Variants in RBMX2 observed in about 807,000 individuals in gnomAD.
The protein encoded by RBMX2 is RNA-binding motif protein, X-linked 2.
For missense variants in RBMX2, 191 were observed against 256.0 expected (o/e 0.75, Z 1.73); for synonymous variants, 77 against 94.3 (o/e 0.82, Z 1.07).
chrX:130,411,305 G>T (rs1437562729), intron 4 of RBMX2, 43 bp from the exon 5 acceptor site: 1 of 1,092,832 alleles, frequency 9.2e-7, no homozygotes, highest in Admixed American at 2.9e-5. Context: ...TGACAGTTTG[G>T]TATGAGGGCT....
chrX:130,405,250 G>A (rs750353132), intron 3 of RBMX2, among the ~76,000 whole-genome samples: 12 of 109,555 alleles, frequency 1.1e-4, no homozygotes, highest in South Asian at 8.0e-4. Flanking sequence ...ATGGTGGTGC[G>A]CGCCTGTAAT....
At chrX:130,402,462 C>T in intron 2 of RBMX2, 92 bp downstream of exon 2, 1 of 1,112,809 alleles carries the variant, frequency 9.0e-7, no homozygotes, top group Non-Finnish European at 1.2e-6. Context: ...CTCCTGCTTA[C>T]ATTCATCGCC....
At chrX:130,403,694 C>T in intron 2 of RBMX2, 108 bp from the exon 3 acceptor site, 4 of 710,909 alleles carry the variant, frequency 5.6e-6, no homozygotes, top group Non-Finnish European at 4.5e-6. Context: ...TCTTTAAGGG[C>T]AGGGCCTGTT....
chrX:130,402,225 A>AGCCC, intron 1 of RBMX2, 30 bp from the exon 2 acceptor site: 1 of 984,784 alleles, frequency 1.0e-6, no homozygotes, highest in Non-Finnish European at 1.4e-6. Flanking sequence ...TTTTCTGCCT[A>AGCCC]CCCTCCCCAC....
In RBMX2 at chrX:130,413,033, C is replaced by T. The variant is rs1332144372; in HGVS notation, c.*185C>T. 2 of 431,952 alleles carry T rather than the reference C, an allele frequency of 4.6e-6. No homozygotes were observed. Among genetic ancestry groups the T allele is most frequent in the Non-Finnish European group, 7.6e-6 (2 of 261,780 alleles). The allele number at this position is 431,952 out of a possible 1,213,427, so 35.6% of individuals were successfully genotyped here. Reference sequence around the variant, plus strand: ...TAGATATCCTGGATATTGTTTGCACCATCCATTGTCCCTGTACCAGAGTAT... The same window carrying T: ...TAGATATCCTGGATATTGTTTGCACTATCCATTGTCCCTGTACCAGAGTAT... On this transcript the variant is annotated 3_prime_UTR_variant, in exon 6 of 6. Transcript: ENST00000305536.
In RBMX2 at chrX:130,402,026, C is replaced by T. The variant is rs878868784; in HGVS notation, c.-7C>T. The T allele has an allele frequency of 6.7e-6, 8 of 1,198,841 alleles. No homozygotes were observed. Among genetic ancestry groups the T allele is most frequent in the Non-Finnish European group, 9.0e-6 (8 of 889,102 alleles). Reference sequence around the variant, plus strand: ...GATTCCTGAGTGCTGAGCGCGAACCCGAGGAGATGAAGTAAGGCGTCAGCT... The same window carrying T: ...GATTCCTGAGTGCTGAGCGCGAACCTGAGGAGATGAAGTAAGGCGTCAGCT... On this transcript the variant is annotated 5_prime_UTR_variant, in exon 1 of 6. Transcript: ENST00000305536.
chrX:130,402,233 C>G, intron 1 of RBMX2, 22 bp from the exon 2 acceptor site: 1 of 1,156,448 alleles, frequency 8.6e-7, no homozygotes, highest in Non-Finnish European at 1.2e-6. Context: ...CTACCCTCCC[C>G]ACCCCCCCCG....
chrX:130,402,310 G>A lies in RBMX2; in HGVS notation c.61G>A (p.Gly21Arg). 8.4e-7 allele frequency: 1 copy of A among 1,197,083 alleles called. No individual in the cohort carries two copies. Among genetic ancestry groups the A allele is most frequent in the Non-Finnish European group, 1.1e-6 (1 of 890,123 alleles). The change falls in exon 2 of 6, where the codon GGG becomes AGG. Residue 21 changes from glycine (G) to arginine (R), a missense_variant. By Grantham distance (125) the Gly-to-Arg change is moderately radical. Coordinates refer to ENST00000305536, the MANE Select transcript of RBMX2 (RefSeq NM_016024.4). ...GCTGAATGAACGAGAGGTCCAGCTT[G>A]GGGTGGCCGATAAGGTGTCCTGGCA... ...NELNEREVQL[G>R]VADKVSWHSE... is the part of the protein sequence containing the mutation.
At chrX:130,409,196 C>G (rs998951584) in intron 3 of RBMX2, 61 bp from the exon 4 acceptor site, 1 of 1,036,598 alleles carries the variant, frequency 9.6e-7, no homozygotes, top group South Asian at 2.4e-5. Context: ...GTTTTATTAC[C>G]TTATCTGCAT....
rs1569460721 is a variant in RBMX2 at position 130,412,882 on chromosome X, T to A, written c.*34T>A. 7.8e-6 allele frequency: 9 copies of A among 1,151,423 alleles called. No individual in the cohort carries two copies. In the East Asian group the frequency reaches 2.7e-4, roughly 35 times the overall value. 94.9% of individuals were successfully genotyped at this position (1,151,423 alleles called of 1,213,427 possible). On this transcript the variant is annotated 3_prime_UTR_variant, in exon 6 of 6. Coordinates refer to ENST00000305536, the MANE Select transcript of RBMX2 (RefSeq NM_016024.4). ...GCTGCACAGTAGATTTGGAAATAATTATGTTTTTTAAATGCAGTCAAATTC... is the reference window on the plus strand; with the variant it reads ...GCTGCACAGTAGATTTGGAAATAATAATGTTTTTTAAATGCAGTCAAATTC...
chrX:130,402,234 A>ACCCCCCCCCCCC, intron 1 of RBMX2, 21 bp from the exon 2 acceptor site: 11 of 583,327 alleles, frequency 1.9e-5, no homozygotes, highest in African/African-American at 3.6e-5. Flanking sequence ...TACCCTCCCC[A>ACCCCCCCCCCCC]CCCCCCCCGC....
rs2034519327 is a variant in RBMX2, at chrX:130,412,505, A to G, written c.626A>G (p.Asn209Ser). 2 of 1,206,980 alleles carry G rather than the reference A, an allele frequency of 1.7e-6. No homozygotes were observed. The highest frequency in any genetic ancestry group is 2.2e-6 in the Non-Finnish European group (2 of 894,405). ...DTGPKKHSSK[N>S]SERAQKSEPR... ...GGCCCTAAGAAGCACAGCAGCAAGAACTCAGAGAGAGCTCAGAAGTCAGAG... is the reference window on the plus strand; with the variant it reads ...GGCCCTAAGAAGCACAGCAGCAAGAGCTCAGAGAGAGCTCAGAAGTCAGAG... The change falls in exon 6 of 6, where the codon AAC becomes AGC. Residue 209 changes from asparagine (N) to serine (S), a missense_variant. Asn to Ser is a conservative substitution (Grantham distance 46). Transcript: ENST00000305536.
At position 130,412,971 on chromosome X, in the gene RBMX2, T is replaced by A; in HGVS notation, c.*123T>A. 4.1e-6 allele frequency: 3 copies of A among 728,587 alleles called. No individual in the cohort carries two copies. The highest frequency in any genetic ancestry group is 5.9e-6 in the Non-Finnish European group (3 of 512,770). The allele number at this position is 728,587 out of a possible 1,213,427, so 60.0% of individuals were successfully genotyped here. A position where few individuals can be genotyped will look rare whatever the true frequency, so the allele number is the denominator to read the frequency against. Reference sequence around the variant, plus strand: ...GGCTGGATTCTTTTAATCCCTTGACTATTTAGAGTCATTGGGAGGGCTGCA... The same window carrying A: ...GGCTGGATTCTTTTAATCCCTTGACAATTTAGAGTCATTGGGAGGGCTGCA... On this transcript the variant is annotated 3_prime_UTR_variant, in exon 6 of 6. Coordinates refer to ENST00000305536, the MANE Select transcript of RBMX2 (RefSeq NM_016024.4).
chrX:130,402,417 T>C lies in RBMX2; in HGVS notation c.121+47T>C. ...CTCAGTGCTCTCCAGATTCTCCTGCTCGGTTTCCGACTATTTCGGCATTTT... is the reference window on the plus strand; with the variant it reads ...CTCAGTGCTCTCCAGATTCTCCTGCCCGGTTTCCGACTATTTCGGCATTTT... On this transcript the variant is annotated intron_variant, in intron 2 of 5. Transcript: ENST00000305536. 3 of 1,178,919 alleles carry C rather than the reference T, an allele frequency of 2.5e-6. No homozygotes were observed. In the South Asian group the frequency reaches 5.7e-5, roughly 23 times the overall value.
chrX:130,403,446 A>C (rs920310643), intron 2 of RBMX2, among the ~76,000 whole-genome samples: 5 of 111,870 alleles, frequency 4.5e-5, no homozygotes, highest in African/African-American at 1.3e-4. Flanking sequence ...TCGGCGCACT[A>C]CAACCTCTGC....
chrX:130,402,235 C>T lies in RBMX2; in HGVS notation c.6-20C>T. 9.1e-7 allele frequency: 1 copy of T among 1,096,795 alleles called. No individual in the cohort carries two copies. The highest frequency in any genetic ancestry group is 1.2e-6 in the Non-Finnish European group (1 of 827,896). The allele number at this position is 1,096,795 out of a possible 1,213,427, so 90.4% of individuals were successfully genotyped here. ...TCTGCTTTTCTGCCTACCCTCCCCA[C>T]CCCCCCCGCCACCGTGAAGCCCTTT... On this transcript the variant is annotated intron_variant, in intron 1 of 5. Coordinates refer to ENST00000305536, the MANE Select transcript of RBMX2 (RefSeq NM_016024.4).
At position 130,412,515 on chromosome X, in the gene RBMX2, A is replaced by C. The variant is rs769676519; in HGVS notation, c.636A>C (p.Arg212Ser). The change falls in exon 6 of 6, where the codon AGA (arginine) becomes AGC (serine). Residue 212 changes from arginine (R) to serine (S), a missense_variant. Arg to Ser is a moderately radical substitution (Grantham distance 110, BLOSUM62 -1). Transcript: ENST00000305536. Reference protein sequence around the residue: ...PKKHSSKNSERAQKSEPREGQ... With the variant: ...PKKHSSKNSESAQKSEPREGQ... Reference sequence around the variant, plus strand: ...AGCACAGCAGCAAGAACTCAGAGAGAGCTCAGAAGTCAGAGCCCAGGGAGG... The same window carrying C: ...AGCACAGCAGCAAGAACTCAGAGAGCGCTCAGAAGTCAGAGCCCAGGGAGG... 33 of 1,206,681 alleles carry C rather than the reference A, an allele frequency of 2.7e-5. No homozygotes were observed. The South Asian group carries it at 5.8e-4, about 21-fold the overall frequency.
chrX:130,412,246 G>A, intron 5 of RBMX2, 115 bp from the exon 6 acceptor site: 2 of 956,217 alleles, frequency 2.1e-6, no homozygotes, highest in Non-Finnish European at 2.8e-6. Flanking sequence ...TTGAACTGTA[G>A]CACCTGTGGT....
intron 5 of RBMX2, 68 bp from the exon 6 acceptor site, chrX:130,412,293 T>C: frequency 2.8e-6 from 3 of 1,068,216 alleles, no homozygotes. Context: ...GTGCTTTTTT[T>C]TTTTTTAAGG....
Sources: gnomAD v4.1 joint callset for allele counts (sites outside exome capture counted in the v4.1 genomes callset) on GRCh38, gnomAD v4.1.1 for gene constraint, MANE v1.5 for transcripts, NCBI Gene and HGNC (gene_info 2026-07-23, HGNC 2026-07-21) for gene names.